The following PPP1R13B variants were observed in gnomAD, a reference collection of about 807,000 sequenced individuals.
PPP1R13B encodes the protein protein phosphatase 1 regulatory subunit 13B.
Under a neutral mutation model 119.8 loss-of-function variants are expected in PPP1R13B, and 44 were observed. The ratio of observed to expected loss-of-function variants is 0.37; its 90% CI spans 0.29 to 0.47. The LOEUF is 0.47. Ranked by LOEUF, PPP1R13B falls within the 20% of genes least tolerant of loss-of-function variation. PPP1R13B has a pLI of 0.99. For missense variants in PPP1R13B, 1,227 were observed against 1,413.5 expected, an observed-to-expected ratio of 0.87 and a Z score of 2.12; for synonymous variants, 542 against 561.5, an observed-to-expected ratio of 0.97 and a Z score of 0.49.
intron 3 of PPP1R13B, among the ~76,000 whole-genome samples, chr14:103,784,583 C>CA (rs546875688): frequency 0.023 from 1,378 of 60,418 alleles, 204 homozygotes; most frequent in Non-Finnish European, 0.03. Context: ...ACTCTGTCTC[C>CA]AAAAAAAAAA....
At position 103,734,250 on chromosome 14, in the gene PPP1R13B, G is replaced by A. The variant is rs749685160; in HGVS notation, c.*904C>T. The stretch of plus-strand genomic sequence containing the variant: ...TGGTGGCGGCCCCTCCTGACACCAG[G>A]CGTCTGCCATCCTTCAGGCACCAAA... On this transcript the variant is annotated 3_prime_UTR_variant, in exon 17 of 17. Transcript: ENST00000202556. 97 of 293,152 alleles carry A rather than the reference G, an allele frequency of 3.3e-4. No homozygotes were observed. Among genetic ancestry groups the A allele is most frequent in the Non-Finnish European group, 4.7e-4 (69 of 145,552 alleles). The allele number at this position is 293,152 out of a possible 1,614,324, so 18.2% of individuals were successfully genotyped here.
At chr14:103,743,086 C>T (rs1407565841) in intron 9 of PPP1R13B, among the ~76,000 whole-genome samples, 4 of 152,238 alleles carry the variant, frequency 2.6e-5, no homozygotes, top group Admixed American at 6.5e-5. Flanking sequence ...CAGAGACTCA[C>T]GCCAAACCAA....
At chr14:103,827,311 A>C (rs949770290) in intron 1 of PPP1R13B, among the ~76,000 whole-genome samples, 5 of 152,094 alleles carry the variant, frequency 3.3e-5, no homozygotes, top group Admixed American at 2.6e-4. Context: ...ACTCCAACCC[A>C]AGCGACAGAG....
At chr14:103,839,089 C>G (rs1300491775) in intron 1 of PPP1R13B, among the ~76,000 whole-genome samples, 1 of 152,092 alleles carries the variant, frequency 6.6e-6, no homozygotes, top group African/African-American at 2.4e-5. Flanking sequence ...CTCTGCTCAC[C>G]GCAATCTCTG....
upstream of PPP1R13B, chr14:103,847,746 G>T: frequency 3.4e-6 from 2 of 583,340 alleles, no homozygotes; most frequent in Non-Finnish European, 4.3e-6. Context: ...GCGGCCAGGT[G>T]CGTGCGCGTC....
intron 1 of PPP1R13B, among the ~76,000 whole-genome samples, chr14:103,831,829 G>C (rs1363902638): frequency 6.6e-6 from 1 of 151,942 alleles, no homozygotes; most frequent in Non-Finnish European, 1.5e-5. Context: ...CCAGCTATTT[G>C]GGAGGCTGAG....
chr14:103,832,044 C>T (rs1181860412), intron 1 of PPP1R13B, among the ~76,000 whole-genome samples: 4 of 151,524 alleles, frequency 2.6e-5, no homozygotes, highest in Admixed American at 2.6e-4. Flanking sequence ...AGTTTAAGTC[C>T]AGGACTTTAC....
rs139585139 is a variant in PPP1R13B, at chr14:103,826,366, T to C, written c.9+20933A>G. Among the ~76,000 whole-genome samples, 1,434 of 152,316 alleles carry C rather than the reference T, an allele frequency of 9.4e-3. 10 individuals are homozygous for C. The highest frequency in any genetic ancestry group is 0.013 in the Admixed American group (197 of 15,290). ...CACTTGACCTTTCTGGATCTCAGGA[T>C]GCATACACAATTCAAACTTGAAACC... is the stretch of plus-strand genomic sequence containing the variant. On this transcript the variant is annotated intron_variant, in intron 1 of 16. Transcript: ENST00000202556.
intron 4 of PPP1R13B, among the ~76,000 whole-genome samples, chr14:103,768,995 A>T (rs2085002063): frequency 6.6e-6 from 1 of 152,218 alleles, no homozygotes; most frequent in South Asian, 2.1e-4. Context: ...TTTAATCATC[A>T]CAAGATTTAA....
chr14:103,800,535 T>A lies in PPP1R13B; in HGVS notation c.10-3017A>T, dbSNP rs560794863. On this transcript the variant is annotated intron_variant, in intron 1 of 16. Coordinates refer to ENST00000202556, the MANE Select transcript of PPP1R13B (RefSeq NM_015316.3). ...CAGGCGTGGTGGCCCGCGCCTCTAG[T>A]CCCAGCTACTCAGGAGGCTGAGGCA... Among the ~76,000 whole-genome samples the A allele has an allele frequency of 5.3e-5, 8 of 151,690 alleles. No individual in the cohort carries two copies. The South Asian group carries it at 1.7e-3, about 32-fold the overall frequency.
At chr14:103,800,833 C>T (rs1200406765) in intron 1 of PPP1R13B, among the ~76,000 whole-genome samples, 1 of 151,988 alleles carries the variant, frequency 6.6e-6, no homozygotes, top group East Asian at 1.9e-4. Context: ...AACTCCTCAC[C>T]GTTACCATTT....
intron 7 of PPP1R13B, among the ~76,000 whole-genome samples, 161 bp downstream of exon 7, chr14:103,752,839 A>C (rs2084585074): frequency 6.6e-6 from 1 of 152,152 alleles, no homozygotes; most frequent in Non-Finnish European, 1.5e-5. Flanking sequence ...GGCCTATCCC[A>C]AGTCATTTAA....
In PPP1R13B at chr14:103,819,136, A is replaced by G. The variant is rs372995101; in HGVS notation, c.10-21618T>C. On this transcript the variant is annotated intron_variant, in intron 1 of 16. Transcript: ENST00000202556. ...TGCCTGAAGAGACTGAGAATCAATA[A>G]GGAGTCCAGCTTGACTGAAGCAGGG... is the stretch of plus-strand genomic sequence containing the variant. 5.3e-5 allele frequency among the ~76,000 whole-genome samples: 8 copies of G among 152,348 alleles called. No individual in the cohort carries two copies. The South Asian group carries it at 8.3e-4, about 16-fold the overall frequency.
chr14:103,800,881 G>A (rs1471040672), intron 1 of PPP1R13B, among the ~76,000 whole-genome samples: 1 of 151,200 alleles, frequency 6.6e-6, no homozygotes, highest in Admixed American at 6.6e-5. Flanking sequence ...ACGGAGTTTC[G>A]CTCTTGTTGC....
rs1420101539 is a variant in PPP1R13B at position 103,739,981 on chromosome 14, T to A, written c.2435A>T (p.Gln812Leu). 1 of 1,614,004 alleles carries A rather than the reference T, an allele frequency of 6.2e-7. No individual in the cohort carries two copies. ...EELICPQTTH[Q>L]TAEPAEDNNN... ...ATTGTCCTCTGCCGGCTCGGCAGTT[T>A]GGTGGGTGGTTTGGGGACAGATGAG... is the stretch of plus-strand genomic sequence containing the variant. The change falls in exon 12 of 17, where the codon CAA becomes CTA. Residue 812 changes from glutamine (Q) to leucine (L), a missense_variant. Transcript: ENST00000202556.
intron 12 of PPP1R13B, 58 bp downstream of exon 12, chr14:103,739,766 G>A (rs45444495): frequency 0.066 from 99,696 of 1,510,850 alleles, 3,578 homozygotes; most frequent in Middle Eastern, 0.13. Context: ...GGACCCCAGA[G>A]GTCCTGGTTG....
chr14:103,811,838 T>C (rs1268558191), intron 1 of PPP1R13B, among the ~76,000 whole-genome samples: 2 of 150,966 alleles, frequency 1.3e-5, no homozygotes, highest in Admixed American at 6.6e-5. Context: ...TGGCAGATCA[T>C]GAGGTCAGGA....
intron 9 of PPP1R13B, among the ~76,000 whole-genome samples, chr14:103,745,351 A>C (rs1311724466): frequency 2.0e-5 from 3 of 152,262 alleles, no homozygotes; most frequent in Non-Finnish European, 4.4e-5. Flanking sequence ...GGGGCTCGAA[A>C]CACAGGCCTG....
At chr14:103,751,852 A>G (rs972335117) in intron 7 of PPP1R13B, among the ~76,000 whole-genome samples, 10 of 152,370 alleles carry the variant, frequency 6.6e-5, no homozygotes, top group Admixed American at 1.3e-4. Flanking sequence ...ATTTTGTTAT[A>G]GCAGTCTGAG....
Sources: allele counts gnomAD v4.1 joint callset (sites outside exome capture counted in the v4.1 genomes callset), GRCh38; gene constraint gnomAD v4.1.1; transcripts MANE v1.5; gene names NCBI Gene and HGNC (gene_info 2026-07-23, HGNC 2026-07-21).